EGFR: variants seen among roughly 807,000 people sequenced by gnomAD.
EGFR encodes epidermal growth factor receptor.
In EGFR, 58 loss-of-function variants were observed where a neutral mutation model predicts 143.0. That is an observed-to-expected ratio of 0.41 (90% CI 0.33 to 0.50). EGFR has a LOEUF of 0.50. Among genes scored for constraint, EGFR ranks in the 20% least tolerant of loss-of-function variants. The pLI, the probability that EGFR is intolerant of heterozygous loss-of-function variation, is 0.39. For missense variants in EGFR, 1,307 were observed against 1,579.0 expected, an observed-to-expected ratio of 0.83 and a Z score of 2.92; for synonymous variants, 613 against 594.4, an observed-to-expected ratio of 1.03 and a Z score of -0.45.
At chr7:55,168,668 T>G in intron 15 of EGFR, 1 of 1,325,884 alleles carries the variant, frequency 7.5e-7, no homozygotes, top group Non-Finnish European at 1.0e-6. Context: ...TTCTTTAGTA[T>G]GTGTGATTAC....
At chr7:55,132,177 G>C (rs1793882827) in intron 1 of EGFR, among the ~76,000 whole-genome samples, 1 of 152,056 alleles carries the variant, frequency 6.6e-6, no homozygotes, top group African/African-American at 2.4e-5. Context: ...AAAAATTGAA[G>C]AAAAATTTTA....
Position 55,205,251 on chromosome 7 carries a change from T to G in EGFR, c.3272-5T>G, listed in dbSNP as rs774055581. 1 of 1,613,886 alleles carries G rather than the reference T, an allele frequency of 6.2e-7. No individual in the cohort carries two copies. On this transcript the variant is annotated splice_polypyrimidine_tract_variant and splice_region_variant and intron_variant, in intron 27 of 27. Coordinates refer to ENST00000275493, the MANE Select transcript of EGFR (RefSeq NM_005228.5). Reference sequence around the variant, plus strand: ...ACTTCACCTCTGATTTCTTTCCACTTTCAGAATACATAAACCAGTCCGTTC... The same window carrying G: ...ACTTCACCTCTGATTTCTTTCCACTGTCAGAATACATAAACCAGTCCGTTC...
intron 1 of EGFR, among the ~76,000 whole-genome samples, chr7:55,056,064 A>G (rs1788798272): frequency 6.6e-6 from 1 of 152,112 alleles, no homozygotes; most frequent in African/African-American, 2.4e-5. Context: ...AATTAAAGAG[A>G]GGGTACAAAA....
chr7:55,088,709 G>A (rs1341165320), intron 1 of EGFR, among the ~76,000 whole-genome samples: 1 of 152,176 alleles, frequency 6.6e-6, no homozygotes, highest in African/African-American at 2.4e-5. Context: ...GTCAACCCAT[G>A]GCTGTAATGC....
At chr7:55,135,718 T>A (rs1030613156) in intron 1 of EGFR, among the ~76,000 whole-genome samples, 18 of 152,326 alleles carry the variant, frequency 1.2e-4, no homozygotes, top group African/African-American at 4.1e-4. Context: ...TTACAAACTA[T>A]TGTGTGGTTT....
At chr7:55,149,067 A>C (rs1383351570) in intron 4 of EGFR, among the ~76,000 whole-genome samples, 1 of 152,068 alleles carries the variant, frequency 6.6e-6, no homozygotes, top group Non-Finnish European at 1.5e-5. Flanking sequence ...ACATATAATA[A>C]AATATTTAAT....
chr7:55,197,408 G>A (rs1239855983), intron 22 of EGFR, among the ~76,000 whole-genome samples: 1 of 152,082 alleles, frequency 6.6e-6, no homozygotes, highest in East Asian at 1.9e-4. Flanking sequence ...AGGGGTTTTG[G>A]GTCAAGACTA....
At position 55,205,887 on chromosome 7, in the gene EGFR, G is replaced by T; in HGVS notation, c.*270G>T. The T allele has an allele frequency of 2.0e-6, 1 of 496,162 alleles. No individual in the cohort carries two copies. 30.7% of individuals were successfully genotyped at this position (496,162 alleles called of 1,614,324 possible). A position where few individuals can be genotyped will look rare whatever the true frequency, so the allele number is the denominator to read the frequency against. On this transcript the variant is annotated 3_prime_UTR_variant, in exon 28 of 28. Transcript: ENST00000275493. ...TTTGAGCAGAAATTTATCTTTCAAA[G>T]AGGTATATTTGAAAAAAAAAAAAAG...
At chr7:55,141,717 G>A (rs1187096647) in intron 1 of EGFR, among the ~76,000 whole-genome samples, 1 of 152,120 alleles carries the variant, frequency 6.6e-6, no homozygotes, top group Non-Finnish European at 1.5e-5. Context: ...GTGTAGTGTT[G>A]TGTACACTAC....
intron 1 of EGFR, among the ~76,000 whole-genome samples, chr7:55,139,776 T>C (rs1025949558): frequency 1.4e-4 from 22 of 152,202 alleles, no homozygotes; most frequent in Non-Finnish European, 1.9e-4. Context: ...TTTCCCAAAG[T>C]GGAATCATCA....
intron 1 of EGFR, among the ~76,000 whole-genome samples, chr7:55,025,203 T>C (rs1052573130): frequency 1.3e-5 from 2 of 152,178 alleles, no homozygotes; most frequent in African/African-American, 4.8e-5. Context: ...TTTAGAAAGA[T>C]GGCTGCAGCA....
intron 1 of EGFR, among the ~76,000 whole-genome samples, chr7:55,086,287 C>G (rs1790755269): frequency 6.6e-6 from 1 of 152,144 alleles, no homozygotes; most frequent in South Asian, 2.1e-4. Context: ...TCTCAACCAG[C>G]CATTACAGGC....
intron 1 of EGFR, among the ~76,000 whole-genome samples, chr7:55,028,923 G>T (rs1381720601): frequency 6.6e-6 from 1 of 152,148 alleles, no homozygotes; most frequent in African/African-American, 2.4e-5. Flanking sequence ...ACTTTCAGAG[G>T]CCGAGGCGGG....
rs114966456 is a variant in EGFR, at chr7:55,148,653, G to C, written c.559+1913G>C. On this transcript the variant is annotated intron_variant, in intron 4 of 27. Coordinates refer to ENST00000275493, the MANE Select transcript of EGFR (RefSeq NM_005228.5). ...ATATCAAAGTGAGAGAACTATAAAG[G>C]GTTTTTAAAAAGGAATTAGGTATGT... Among the ~76,000 whole-genome samples, 58 of 152,176 alleles carry C rather than the reference G, an allele frequency of 3.8e-4. 1 individual carries two copies. Among genetic ancestry groups the C allele is most frequent in the African/African-American group, 9.4e-4 (39 of 41,508 alleles).
chr7:55,188,617 C>T (rs185849249), intron 20 of EGFR, among the ~76,000 whole-genome samples: 12 of 152,298 alleles, frequency 7.9e-5, no homozygotes, highest in African/African-American at 2.9e-4. Flanking sequence ...AGAGGCCCCG[C>T]TGAGGCTTTG....
chr7:55,204,456 C>A (rs946755572), intron 27 of EGFR, among the ~76,000 whole-genome samples: 9 of 150,444 alleles, frequency 6.0e-5, no homozygotes, highest in Non-Finnish European at 1.2e-4. Context: ...CATATACACA[C>A]AACACACACA....
chr7:55,064,230 G>A (rs975516315), intron 1 of EGFR, among the ~76,000 whole-genome samples: 2 of 152,228 alleles, frequency 1.3e-5, no homozygotes, highest in Non-Finnish European at 2.9e-5. Flanking sequence ...CACAGGTCAT[G>A]TTTGACTGTC....
intron 1 of EGFR, among the ~76,000 whole-genome samples, chr7:55,025,720 A>G (rs1786842388): frequency 6.6e-6 from 1 of 152,140 alleles, no homozygotes; most frequent in South Asian, 2.1e-4. Flanking sequence ...CACCTGTCTC[A>G]TGCTCACCGT....
intron 1 of EGFR, among the ~76,000 whole-genome samples, chr7:55,078,843 A>C (rs1790288180): frequency 6.6e-6 from 1 of 152,100 alleles, no homozygotes; most frequent in Non-Finnish European, 1.5e-5. Context: ...CGTTGCTGAG[A>C]CAGAAAGTTC....
Sources: gnomAD v4.1 joint callset for allele counts (sites outside exome capture counted in the v4.1 genomes callset) on GRCh38, gnomAD v4.1.1 for gene constraint, MANE v1.5 for transcripts, NCBI Gene and HGNC (gene_info 2026-07-23, HGNC 2026-07-21) for gene names.